EPHA8: variants seen among roughly 807,000 people sequenced by gnomAD.
EPHA8 encodes the protein EPH receptor A8, also known as ephrin type-A receptor 8.
A neutral mutation model predicts 103.6 loss-of-function variants in EPHA8; 58 were observed. The observed-to-expected ratio is 0.56, with a 90% CI of 0.45 to 0.70. The LOEUF (loss-of-function observed/expected upper bound fraction) is 0.70, where lower values mean the gene tolerates loss of function less well. Ranked by LOEUF, EPHA8 falls within the 30% of genes least tolerant of loss-of-function variation. The pLI is 0.00. For missense variants in EPHA8, 1,304 were observed against 1,395.2 expected, an observed-to-expected ratio of 0.93 and a Z score of 1.04; for synonymous variants, 559 against 572.5, an observed-to-expected ratio of 0.98 and a Z score of 0.34.
Position 22,598,962 on chromosome 1 carries a change from T to C in EPHA8, c.2303T>C (p.Val768Ala), listed in dbSNP as rs568027987. 1 of 1,610,092 alleles carries C rather than the reference T, an allele frequency of 6.2e-7. No homozygotes were observed. Among genetic ancestry groups the C allele is most frequent in the South Asian group, 1.1e-5 (1 of 90,772 alleles). ...GACCTGGCCGCCCGCAACGTCCTGG[T>C]TGACAGCAACCTGGTCTGCAAGGTG... is the stretch of plus-strand genomic sequence containing the variant. ...HRDLAARNVL[V>A]DSNLVCKVSD... is the part of the protein sequence containing the mutation. The change falls in exon 13 of 17, where the codon GTT becomes GCT. Residue 768 changes from valine (V) to alanine (A), a missense_variant. Coordinates refer to ENST00000166244, the MANE Select transcript of EPHA8 (RefSeq NM_020526.5). This position sits in a 1 kb window ranked among gnomAD's most constrained non-coding sequence, Gnocchi z 5.1.
Position 22,576,669 on chromosome 1 carries a change from C to T in EPHA8, c.612C>T (p.Cys204=), listed in dbSNP as rs748264393. ...CTCTCCGCATCTACTATAAGAAGTG[C>T]CCTGCCATGGTGCGCAATCTGGCTG... ...ILSLRIYYKK[C]PAMVRNLAAF... The change falls in exon 3 of 17, where the codon TGC becomes TGT. Residue 204 remains cysteine, a synonymous_variant. Coordinates refer to ENST00000166244, the MANE Select transcript of EPHA8 (RefSeq NM_020526.5). The surrounding 1 kb of genome is among the most constrained non-coding windows in gnomAD (Gnocchi z 4.8). The T allele has an allele frequency of 7.4e-6, 12 of 1,613,802 alleles. No homozygotes were observed. The Admixed American group carries it at 1.0e-4, about 13-fold the overall frequency.
intron 3 of EPHA8, among the ~76,000 whole-genome samples, chr1:22,578,368 G>A (rs1457810049): frequency 7.1e-6 from 1 of 141,278 alleles, no homozygotes; most frequent in Non-Finnish European, 1.5e-5. Context: ...GTGCATGTGT[G>A]CGTGCTTTAG....
rs1640454109 is a variant in EPHA8, at chr1:22,569,189, T to G, written c.95-100T>G. 3 of 1,158,522 alleles carry G rather than the reference T, an allele frequency of 2.6e-6. No individual in the cohort carries two copies. The highest frequency in any genetic ancestry group is 3.9e-6 in the Non-Finnish European group (3 of 776,866). The allele number at this position is 1,158,522 out of a possible 1,614,324, so 71.8% of individuals were successfully genotyped here. A position where few individuals can be genotyped will look rare whatever the true frequency, so the allele number is the denominator to read the frequency against. On this transcript the variant is annotated intron_variant, in intron 1 of 16. Coordinates refer to ENST00000166244, the MANE Select transcript of EPHA8 (RefSeq NM_020526.5). The surrounding 1 kb of genome is among the most constrained non-coding windows in gnomAD (Gnocchi z 4.5). ...AGAGGGACCCGTGTGAGCTGTGTGC[T>G]GGGGGCTGAGTGTGGACCAGTGTAG... is the stretch of plus-strand genomic sequence containing the variant.
chr1:22,564,964 A>G (rs1382565307), intron 1 of EPHA8, among the ~76,000 whole-genome samples: 1 of 152,062 alleles, frequency 6.6e-6, no homozygotes, highest in Non-Finnish European at 1.5e-5. Flanking sequence ...CACCCTACAC[A>G]CAAGCACACA....
intron 3 of EPHA8, among the ~76,000 whole-genome samples, chr1:22,578,194 G>T (rs1166089496): frequency 1.0e-5 from 1 of 96,310 alleles, no homozygotes. Flanking sequence ...GCGTGCATGT[G>T]TGTGCGTGCG....
rs780142938 is a variant in EPHA8 at position 22,595,238 on chromosome 1, T to C, written c.1612T>C (p.Tyr538His). Residue 538 changes from tyrosine (Y) to histidine (H), a missense_variant, in exon 8 of 17, where the codon TAT becomes CAT. Physicochemically the swap from Tyr to His is moderately conservative, Grantham distance 83. Coordinates refer to ENST00000166244, the MANE Select transcript of EPHA8 (RefSeq NM_020526.5). ...CTGGCTTTCCCCTGCAGGGCCCCGC[T>C]ATGACACCAGGACCATTGTCTGGAT... Reference protein sequence around the residue: ...EVETGKPRPRYDTRTIVWICL... With the variant: ...EVETGKPRPRHDTRTIVWICL... 3.5e-5 allele frequency: 56 copies of C among 1,610,148 alleles called. No individual in the cohort carries two copies. The highest frequency in any genetic ancestry group is 4.6e-5 in the Non-Finnish European group (54 of 1,177,382).
At chr1:22,578,389 CAT>C (rs1037930446) in intron 3 of EPHA8, among the ~76,000 whole-genome samples, 78 of 125,060 alleles carry the variant, frequency 6.2e-4, no homozygotes, top group East Asian at 3.0e-3. Flanking sequence ...TATATGTATG[CAT>C]GTCTGCATGA....
chr1:22,578,125 T>C (rs192379410), intron 3 of EPHA8, among the ~76,000 whole-genome samples: 12,249 of 128,506 alleles, frequency 0.095, 508 homozygotes, highest in South Asian at 0.21. Flanking sequence ...CGTGAGTGTA[T>C]GCATGTGTGC....
At chr1:22,600,175 AG>A (rs1557584281) in intron 13 of EPHA8, among the ~76,000 whole-genome samples, 1,543 of 116,698 alleles carry the variant, frequency 0.013, 39 homozygotes, top group African/African-American at 0.048. Flanking sequence ...GCAGGAAGGA[AG>A]GAAAGAAGGA....
chr1:22,572,271 G>A (rs1313944483), intron 2 of EPHA8, among the ~76,000 whole-genome samples: 1 of 152,236 alleles, frequency 6.6e-6, no homozygotes, highest in Non-Finnish European at 1.5e-5. Context: ...TCCGCCTCCT[G>A]TAGTCAGTGT....
Position 22,593,685 on chromosome 1 carries a change from C to T in EPHA8, c.1602C>T (p.Pro534=). The T allele has an allele frequency of 6.3e-7, 1 of 1,591,324 alleles. No homozygotes were observed. Among genetic ancestry groups the T allele is most frequent in the Non-Finnish European group, 8.6e-7 (1 of 1,168,898 alleles). Residue 534 remains proline (P), a splice_region_variant and synonymous_variant, in exon 7 of 17, where the codon CCC becomes CCT. Coordinates refer to ENST00000166244, the MANE Select transcript of EPHA8 (RefSeq NM_020526.5). ...CCATGGAGGTGGAGACCGGGAAACC[C>T]CGTGAGTGCAGGGAGGGGGCGTGGG... is the stretch of plus-strand genomic sequence containing the variant. ...SQAMEVETGK[P]RPRYDTRTIV... is the part of the protein sequence containing the mutation.
At chr1:22,579,432 G>T (rs1406847378) in intron 3 of EPHA8, among the ~76,000 whole-genome samples, 2 of 151,820 alleles carry the variant, frequency 1.3e-5, no homozygotes, top group Admixed American at 1.3e-4. Context: ...GCATGTGTTT[G>T]CATGTGTGCA....
At position 22,576,339 on chromosome 1, in the gene EPHA8, C is replaced by T; in HGVS notation, c.282C>T (p.Ala94=). ...CGAGCTGGGTCCCCCGAGACGGCGC[C>T]CGGCGCGTCTATGCTGAGATCAAGT... ...LRTSWVPRDG[A]RRVYAEIKFT... is the part of the protein sequence containing the mutation. The change falls in exon 3 of 17, where the codon GCC becomes GCT. Residue 94 remains alanine, a synonymous_variant. Coordinates refer to ENST00000166244, the MANE Select transcript of EPHA8 (RefSeq NM_020526.5). This position sits in a 1 kb window ranked among gnomAD's most constrained non-coding sequence, Gnocchi z 4.8. 1.2e-6 allele frequency: 2 copies of T among 1,613,776 alleles called. No homozygotes were observed. The highest frequency in any genetic ancestry group is 1.7e-6 in the Non-Finnish European group (2 of 1,180,022).
At chr1:22,593,929 T>C (rs1415541600) in intron 7 of EPHA8, among the ~76,000 whole-genome samples, 1 of 152,304 alleles carries the variant, frequency 6.6e-6, no homozygotes, top group East Asian at 1.9e-4. Context: ...ACCTCCCAGG[T>C]TCAAGCAATT....
chr1:22,593,684 C>A lies in EPHA8; in HGVS notation c.1601C>A (p.Pro534His). The A allele has an allele frequency of 3.8e-6, 6 of 1,591,228 alleles. No individual in the cohort carries two copies. Among genetic ancestry groups the A allele is most frequent in the Non-Finnish European group, 5.1e-6 (6 of 1,168,850 alleles). ...GCCATGGAGGTGGAGACCGGGAAAC[C>A]CCGTGAGTGCAGGGAGGGGGCGTGG... ...SQAMEVETGKPRPRYDTRTIV... is the reference protein window; with the variant it reads ...SQAMEVETGKHRPRYDTRTIV... The change falls in exon 7 of 17, where the codon CCC (proline) becomes CAC (histidine). Residue 534 changes from proline to histidine, a missense_variant and splice_region_variant. Transcript: ENST00000166244.
At chr1:22,578,961 G>T (rs1640929061) in intron 3 of EPHA8, among the ~76,000 whole-genome samples, 1 of 147,164 alleles carries the variant, frequency 6.8e-6, no homozygotes, top group African/African-American at 2.4e-5. Context: ...GTGTGTCCAT[G>T]TGTATGTTCA....
intron 3 of EPHA8, among the ~76,000 whole-genome samples, chr1:22,583,516 ACCTGGGGCAAGGCATTCAGGCTC>A (rs1641103354): frequency 6.6e-6 from 1 of 152,016 alleles, no homozygotes; most frequent in East Asian, 1.9e-4. Flanking sequence ...TCTGCTGGGA[ACCTGGGGCAAGGCATTCAGGCTC>A]CCTGAGCCTC....
chr1:22,602,145 A>G lies in EPHA8; in HGVS notation c.*404A>G, dbSNP rs751399117. The G allele has an allele frequency of 3.6e-6, 1 of 279,756 alleles. No homozygotes were observed. Among genetic ancestry groups the G allele is most frequent in the Non-Finnish European group, 6.6e-6 (1 of 150,748 alleles). 17.3% of individuals were successfully genotyped at this position (279,756 alleles called of 1,614,324 possible). On this transcript the variant is annotated 3_prime_UTR_variant, in exon 17 of 17. Transcript: ENST00000166244. ...TGTGTCCACCCCTTCGGGTCTCAGC[A>G]TGGACGTGTGCATGTTATGAGCGTG...
At chr1:22,588,744 C>A in intron 4 of EPHA8, 127 bp from the exon 5 acceptor site, 1 of 1,478,950 alleles carries the variant, frequency 6.8e-7, no homozygotes, top group Non-Finnish European at 8.9e-7. Context: ...TAGATGTGGA[C>A]CTTATCCTTA....
Sources: gnomAD v4.1 joint callset for allele counts (sites outside exome capture counted in the v4.1 genomes callset) on GRCh38, gnomAD v4.1.1 for gene constraint, Gnocchi (gnomAD v3.1) non-coding constraint, MANE v1.5 for transcripts, NCBI Gene and HGNC (gene_info 2026-07-23, HGNC 2026-07-21) for gene names.